Variants in ZNF232 observed in about 807,000 individuals in gnomAD.
ZNF232 encodes the protein zinc finger protein 232.
Under a neutral mutation model 25.2 loss-of-function variants are expected in ZNF232, and 25 were observed. That is an observed-to-expected ratio of 0.99 (90% CI 0.72 to 1.39). ZNF232 has a LOEUF of 1.39. ZNF232 is among the 40% of genes most tolerant of loss of function. The probability of loss-of-function intolerance (pLI) is 0.00; values close to 1 mark genes in which losing one functional copy is unlikely to be tolerated. For missense variants in ZNF232, 519 were observed against 520.9 expected, an observed-to-expected ratio of 1.00 and a Z score of 0.04; for synonymous variants, 193 against 182.9, an observed-to-expected ratio of 1.06 and a Z score of -0.45.
At chr17:5,113,890 T>G (rs1490263798), upstream of ZNF232, 5 of 152,158 alleles carry the variant, frequency 3.3e-5, no homozygotes, top group African/African-American at 1.2e-4. Context: ...CTTCCACCAT[T>G]TACAAGATTT....
intron 3 of ZNF232, 23 bp from the exon 4 acceptor site, chr17:5,106,556 C>G: frequency 2.6e-6 from 4 of 1,543,072 alleles, no homozygotes; most frequent in Non-Finnish European, 3.5e-6. Flanking sequence ...AGAAATGACA[C>G]TTAGATTAAA....
chr17:5,107,183 T>C (rs1321735636), intron 3 of ZNF232, among the ~76,000 whole-genome samples: 9 of 151,554 alleles, frequency 5.9e-5, no homozygotes, highest in Admixed American at 3.3e-4. Context: ...GGTCAGGAGA[T>C]CGAGACCATC....
intron 1 of ZNF232, chr17:5,120,517 C>G: frequency 5.9e-6 from 2 of 340,800 alleles, no homozygotes; most frequent in Non-Finnish European, 1.1e-5. Context: ...CTGTGTCTGT[C>G]TGTCTGTCTG....
chr17:5,107,394 GAAA>G (rs749338515), intron 3 of ZNF232, among the ~76,000 whole-genome samples: 1 of 60,678 alleles, frequency 1.6e-5, no homozygotes, highest in Non-Finnish European at 2.9e-5. Flanking sequence ...TCTCAAAAAG[GAAA>G]AAAAAAAAAA....
At chr17:5,106,491 C>A in exon 4 of ZNF232, 1 of 1,613,088 alleles carries the variant, frequency 6.2e-7, no homozygotes, top group South Asian at 1.1e-5. Context: ...GGGCTCTGGG[C>A]CATCTTCTGT....
exon 2 of ZNF232, chr17:5,109,441 C>G (rs780880578): frequency 1.9e-5 from 30 of 1,614,054 alleles, no homozygotes; most frequent in Non-Finnish European, 2.5e-5. Flanking sequence ...AGCACAGTCA[C>G]AGCCTCCTCT....
chr17:5,108,529 A>G lies in ZNF232; in HGVS notation c.625+397T>C, dbSNP rs75470454. 3.3e-4 allele frequency among the ~76,000 whole-genome samples: 50 copies of G among 152,230 alleles called. No individual in the cohort carries two copies. In the East Asian group the frequency reaches 9.2e-3, roughly 28 times the overall value. The stretch of plus-strand genomic sequence containing the variant: ...GAGGCCTCAGCGAGTTTAAAAAAAA[A>G]AAAAGGATCTCAAGGCTGGCCTCTA... On this transcript the variant is annotated intron_variant, in intron 3 of 3. Transcript: ENST00000575898.
chr17:5,114,846 CAAAA>C (rs974154055), upstream of ZNF232: 2 of 151,570 alleles, frequency 1.3e-5, no homozygotes, highest in Non-Finnish European at 2.9e-5. Flanking sequence ...AACAAACAAA[CAAAA>C]AAGACACCAG....
At position 5,106,129 on chromosome 17, in the gene ZNF232, A is replaced by C. The variant is rs146075107; in HGVS notation, c.1003T>G (p.Ser335Ala). ...ATTCTCTGATGCTGACCGAGGTTTG[A>C]GCTCTGTTTGAAAGTTTTCCCACAG... Residue 335 changes from serine to alanine, a missense_variant, in exon 4 of 4, where the codon TCA becomes GCA. Physicochemically the swap from Ser to Ala is moderately conservative, Grantham distance 99. Coordinates refer to ENST00000575898, the Ensembl canonical transcript of ZNF232. 3.2e-4 allele frequency: 513 copies of C among 1,614,020 alleles called. 1 individual carries two copies. The highest frequency in any genetic ancestry group is 3.9e-4 in the Non-Finnish European group (463 of 1,180,038).
At chr17:5,117,145 A>G (rs2072555827) in intron 1 of ZNF232, among the ~76,000 whole-genome samples, 1 of 152,184 alleles carries the variant, frequency 6.6e-6, no homozygotes, top group Admixed American at 6.5e-5. Flanking sequence ...CTCTTCTACA[A>G]TTATAAGTTC....
rs2072342369 is a variant in ZNF232 at position 5,109,460 on chromosome 17, A to AGGGT, written c.428_431dup (p.Lys145ProfsTer2). On this transcript the variant is annotated frameshift_variant, in exon 2 of 4. Coordinates refer to ENST00000575898, the Ensembl canonical transcript of ZNF232. LOFTEE classifies it high-confidence loss of function. The stretch of plus-strand genomic sequence containing the variant: ...CAGTCACAGCCTCCTCTCCACTCTT[A>AGGGT]GGGTGATGTCCCCGCACCCAGGATT... 6.2e-7 allele frequency: 1 copy of AGGGT among 1,614,078 alleles called. No individual in the cohort carries two copies.
At chr17:5,111,577 C>A (rs550036914) in intron 1 of ZNF232, 127 of 648,274 alleles carry the variant, frequency 2.0e-4, no homozygotes, top group South Asian at 1.2e-3. Flanking sequence ...ACCCAAGGGT[C>A]TCGAGAAAAG....
chr17:5,120,027 C>T (rs1308537867), intron 1 of ZNF232, among the ~76,000 whole-genome samples: 7 of 152,136 alleles, frequency 4.6e-5, no homozygotes. Flanking sequence ...CAAGGTCCTG[C>T]CGGGGCAGTC....
upstream of ZNF232, chr17:5,112,014 C>T (rs1264088558): frequency 6.0e-6 from 5 of 839,452 alleles, no homozygotes; most frequent in East Asian, 5.6e-5. Flanking sequence ...TGGACTTGAG[C>T]GGAGCGAGAA....
At chr17:5,119,860 A>G (rs1236238471) in intron 1 of ZNF232, among the ~76,000 whole-genome samples, 2 of 152,270 alleles carry the variant, frequency 1.3e-5, no homozygotes, top group East Asian at 3.9e-4. Flanking sequence ...ACTGAAGCTC[A>G]GAGAGGTTAA....
At position 5,109,063 on chromosome 17, in the gene ZNF232, T is replaced by G; in HGVS notation, c.499-11A>C. 6.2e-7 allele frequency: 1 copy of G among 1,613,912 alleles called. No individual in the cohort carries two copies. The highest frequency in any genetic ancestry group is 1.3e-5 in the African/African-American group (1 of 74,990). ...TGCAGGGCCTGGGACCTGGAGGTGA[T>G]CAGGCACCACTCAGTTTAAATTTTC... is the stretch of plus-strand genomic sequence containing the variant. On this transcript the variant is annotated splice_polypyrimidine_tract_variant and intron_variant, in intron 2 of 3. Transcript: ENST00000575898.
intron 3 of ZNF232, among the ~76,000 whole-genome samples, chr17:5,107,717 G>A (rs1474227507): frequency 6.6e-6 from 1 of 151,982 alleles, no homozygotes; most frequent in African/African-American, 2.4e-5. Flanking sequence ...TGAATTTTTA[G>A]TAGAGACAGG....
At chr17:5,116,794 C>T (rs1310980005), upstream of ZNF232, 1 of 152,222 alleles carries the variant, frequency 6.6e-6, no homozygotes, top group Non-Finnish European at 1.5e-5. Context: ...ATGTATAAAA[C>T]AGGGTTAACA....
At chr17:5,117,299 T>C (rs1462673423) in intron 1 of ZNF232, among the ~76,000 whole-genome samples, 1 of 151,766 alleles carries the variant, frequency 6.6e-6, no homozygotes, top group South Asian at 2.1e-4. Context: ...GGGTGGATCA[T>C]GAGGTCAGGA....
Sources: allele counts gnomAD v4.1 joint callset (sites outside exome capture counted in the v4.1 genomes callset), GRCh38; gene constraint gnomAD v4.1.1; transcripts MANE v1.5; gene names NCBI Gene and HGNC (gene_info 2026-07-23, HGNC 2026-07-21).